The following SGCZ variants were observed in gnomAD, a reference collection of about 807,000 sequenced individuals.
The protein encoded by SGCZ is sarcoglycan zeta, also known as zeta-sarcoglycan.
A neutral mutation model predicts 41.3 loss-of-function variants in SGCZ; 40 were observed. The observed-to-expected ratio is 0.97, with a 90% CI of 0.75 to 1.26. The LOEUF is 1.26. Among genes scored for constraint, SGCZ ranks in the 50% most tolerant of loss-of-function variants. SGCZ has a pLI of 0.00. For missense variants in SGCZ, 552 were observed against 369.8 expected (o/e 1.49, Z -4.04); for synonymous variants, 206 against 137.5 (o/e 1.50, Z -3.49).
At chr8:14,963,242 T>C (rs1396939973) in intron 1 of SGCZ, among the ~76,000 whole-genome samples, 2 of 152,074 alleles carry the variant, frequency 1.3e-5, no homozygotes, top group Non-Finnish European at 2.9e-5. Context: ...CATGAGCAAA[T>C]GTATACAGAT....
At chr8:14,939,009 C>T (rs1800178094) in intron 1 of SGCZ, among the ~76,000 whole-genome samples, 1 of 152,046 alleles carries the variant, frequency 6.6e-6, no homozygotes, top group Non-Finnish European at 1.5e-5. Context: ...CAAAGCAGGA[C>T]CAAAACAAAC....
chr8:14,591,548 T>C (rs1239591819), intron 1 of SGCZ, among the ~76,000 whole-genome samples: 1 of 152,112 alleles, frequency 6.6e-6, no homozygotes, highest in African/African-American at 2.4e-5. Flanking sequence ...TAGTTTGTGA[T>C]GTAAGCACAA....
At chr8:14,187,001 A>AT (rs989738067) in intron 4 of SGCZ, among the ~76,000 whole-genome samples, 2 of 152,162 alleles carry the variant, frequency 1.3e-5, no homozygotes, top group African/African-American at 4.8e-5. Flanking sequence ...AAAACAATTG[A>AT]TAAACTCTAC....
At chr8:14,863,797 T>C (rs1266260660) in intron 1 of SGCZ, among the ~76,000 whole-genome samples, 1 of 152,088 alleles carries the variant, frequency 6.6e-6, no homozygotes, top group Non-Finnish European at 1.5e-5. Context: ...ATTATCCACA[T>C]CATGTGAAGA....
rs1198011530 is a variant in SGCZ at position 14,088,470 on chromosome 8, A to T, written c.*1973T>A. Reference sequence around the variant, plus strand: ...CTTAAAAGTCCATAATATAGTGATTAGCACACATAATTTCTCAATATTTCT... The same window carrying T: ...CTTAAAAGTCCATAATATAGTGATTTGCACACATAATTTCTCAATATTTCT... On this transcript the variant is annotated 3_prime_UTR_variant, in exon 8 of 8. Coordinates refer to ENST00000382080, the MANE Select transcript of SGCZ (RefSeq NM_139167.4). Among the ~76,000 whole-genome samples the T allele has an allele frequency of 6.6e-6, 1 of 151,908 alleles. No homozygotes were observed. The highest frequency in any genetic ancestry group is 1.5e-5 in the Non-Finnish European group (1 of 67,866).
chr8:15,069,442 G>C (rs1008689127), intron 1 of SGCZ, among the ~76,000 whole-genome samples: 3 of 152,190 alleles, frequency 2.0e-5, no homozygotes, highest in African/African-American at 7.2e-5. Flanking sequence ...TATTTTCCAA[G>C]TGAGTATACC....
At chr8:14,769,220 T>C (rs746875535) in intron 1 of SGCZ, among the ~76,000 whole-genome samples, 1 of 152,128 alleles carries the variant, frequency 6.6e-6, no homozygotes, top group Non-Finnish European at 1.5e-5. Context: ...GACAATGATG[T>C]GAATAAAAAA....
At chr8:14,450,251 C>A (rs1375762873) in intron 2 of SGCZ, among the ~76,000 whole-genome samples, 11 of 152,204 alleles carry the variant, frequency 7.2e-5, no homozygotes, top group Admixed American at 7.2e-4. Flanking sequence ...GAGTGCAATT[C>A]ATTTCACAAC....
intron 1 of SGCZ, among the ~76,000 whole-genome samples, chr8:14,816,885 T>A (rs1022863036): frequency 1.6e-4 from 24 of 152,246 alleles, no homozygotes; most frequent in African/African-American, 5.5e-4. Flanking sequence ...ATATTTTCCA[T>A]GTCTGCACTT....
intron 2 of SGCZ, among the ~76,000 whole-genome samples, chr8:14,457,180 G>C (rs1489092350): frequency 6.6e-6 from 1 of 152,168 alleles, no homozygotes; most frequent in East Asian, 1.9e-4. Context: ...CCAGTATTAT[G>C]ATAATCCTCG....
rs145700731 is a variant in SGCZ at position 15,204,290 on chromosome 8, C to T, written c.39+33295G>A. Among the ~76,000 whole-genome samples the T allele has an allele frequency of 3.3e-4, 51 of 152,256 alleles. 1 individual carries two copies. The highest frequency in any genetic ancestry group is 1.2e-3 in the African/African-American group (50 of 41,548). On this transcript the variant is annotated intron_variant, in intron 1 of 7. Transcript: ENST00000382080. ...AAAAGCCAAAGTCAAATAACATTTT[C>T]TCCAACTTAAAATTCAAAAAGTATG...
Position 14,164,668 on chromosome 8 carries a change from A to C in SGCZ, c.459T>G (p.Phe153Leu). 6.2e-7 allele frequency: 1 copy of C among 1,613,568 alleles called. No individual in the cohort carries two copies. Among genetic ancestry groups the C allele is most frequent in the Non-Finnish European group, 8.5e-7 (1 of 1,179,706 alleles). ...ADAVEAQCKRFEVRASEDGRV... is the reference protein window; with the variant it reads ...ADAVEAQCKRLEVRASEDGRV... ...TGCCATCTTCACTGGCTCTCACTTC[A>C]AATCTTTTACACTGAGCTTCCACAG... Residue 153 changes from phenylalanine to leucine, a missense_variant, in exon 5 of 8, where the codon TTT becomes TTG. Physicochemically the swap from Phe to Leu is conservative, Grantham distance 22 (BLOSUM62 0). Transcript: ENST00000382080.
intron 2 of SGCZ, among the ~76,000 whole-genome samples, chr8:14,403,197 G>A (rs199791805): frequency 0.053 from 7,867 of 149,120 alleles, 887 homozygotes; most frequent in African/African-American, 0.18. Flanking sequence ...GGGCTGAGAC[G>A]ATGGGGTTTT....
intron 1 of SGCZ, among the ~76,000 whole-genome samples, chr8:15,105,498 A>G (rs904684241): frequency 1.2e-4 from 18 of 152,080 alleles, no homozygotes; most frequent in Middle Eastern, 3.2e-3. Context: ...GGAGCAGGAG[A>G]GAGAGAGAGA....
chr8:14,218,277 T>C (rs1188372881), intron 4 of SGCZ, among the ~76,000 whole-genome samples: 1 of 152,218 alleles, frequency 6.6e-6, no homozygotes, highest in East Asian at 1.9e-4. Context: ...CTTTTGCATT[T>C]TCCTGTATTA....
intron 5 of SGCZ, among the ~76,000 whole-genome samples, chr8:14,140,693 A>C (rs1280504401): frequency 6.6e-6 from 1 of 152,208 alleles, no homozygotes; most frequent in Admixed American, 6.5e-5. Flanking sequence ...ATGGAAGAAC[A>C]TTCCATGCTC....
intron 1 of SGCZ, among the ~76,000 whole-genome samples, chr8:14,726,950 T>G (rs2130215309): frequency 6.6e-6 from 1 of 152,190 alleles, no homozygotes; most frequent in South Asian, 2.1e-4. Flanking sequence ...GAAGGCAAAT[T>G]CTGATTAATT....
rs572071897 is a variant in SGCZ, at chr8:14,976,337, T to G, written c.39+261248A>C. On this transcript the variant is annotated intron_variant, in intron 1 of 7. Coordinates refer to ENST00000382080, the MANE Select transcript of SGCZ (RefSeq NM_139167.4). ...CGCGCCTGTCCCTCCCTATATATTT[T>G]GACTAGGAAGTTCAGGGCCATATGT... Among the ~76,000 whole-genome samples the G allele has an allele frequency of 2.0e-5, 3 of 152,226 alleles. No homozygotes were observed. In the South Asian group the frequency reaches 6.2e-4, roughly 32 times the overall value.
chr8:14,111,453 G>A (rs908569481), intron 5 of SGCZ, among the ~76,000 whole-genome samples: 1 of 151,864 alleles, frequency 6.6e-6, no homozygotes. Context: ...AAACAAAAAA[G>A]AAGGATAGAC....
Sources: allele counts gnomAD v4.1 joint callset (sites outside exome capture counted in the v4.1 genomes callset), GRCh38; gene constraint gnomAD v4.1.1; transcripts MANE v1.5; gene names NCBI Gene and HGNC (gene_info 2026-07-23, HGNC 2026-07-21).